The following COL27A1 variants were observed in gnomAD, a reference collection of about 807,000 sequenced individuals.
COL27A1 encodes collagen alpha-1(XXVII) chain.
Under a neutral mutation model 251.3 loss-of-function variants are expected in COL27A1, and 106 were observed. The observed-to-expected ratio is 0.42, with a 90% CI of 0.36 to 0.50. The LOEUF (loss-of-function observed/expected upper bound fraction) is 0.50, where lower values mean the gene tolerates loss of function less well. Ranked by LOEUF, COL27A1 falls within the 20% of genes least tolerant of loss-of-function variation. The pLI is 0.00. For missense variants in COL27A1, 2,325 were observed against 2,522.8 expected (o/e 0.92, Z 1.68); for synonymous variants, 1,000 against 986.3 (o/e 1.01, Z -0.26).
At position 114,290,148 on chromosome 9, in the gene COL27A1, C is replaced by T. The variant is rs775031209; in HGVS notation, c.4260+37C>T. The T allele has an allele frequency of 1.4e-5, 23 of 1,607,006 alleles. No individual in the cohort carries two copies. In the East Asian group the frequency reaches 4.7e-4, roughly 33 times the overall value. On this transcript the variant is annotated intron_variant, in intron 46 of 60. Coordinates refer to ENST00000356083, the MANE Select transcript of COL27A1 (RefSeq NM_032888.4). This position sits in a 1 kb window ranked among gnomAD's most constrained non-coding sequence, Gnocchi z 4.6. ...CAGCTGCTGTTTCCAGCCAACCTCC[C>T]TGCCCGCCCCCCACACCCGCCCTCC...
At chr9:114,256,163 C>T (rs1400249030) in intron 27 of COL27A1, among the ~76,000 whole-genome samples, 2 of 152,206 alleles carry the variant, frequency 1.3e-5, no homozygotes, top group Non-Finnish European at 2.9e-5. Flanking sequence ...CTTTCACCTC[C>T]ATGTTGTCCG....
chr9:114,307,320 C>A, intron 58 of COL27A1: 1 of 221,084 alleles, frequency 4.5e-6, no homozygotes, highest in South Asian at 7.1e-5. Flanking sequence ...TAGGAGGAGC[C>A]CTAGGCCTCG....
At position 114,266,441 on chromosome 9, in the gene COL27A1, C is replaced by T. The variant is rs1023687825; in HGVS notation, c.3394-124C>T. 179 of 685,742 alleles carry T rather than the reference C, an allele frequency of 2.6e-4. 1 individual carries two copies. Among genetic ancestry groups the T allele is most frequent in the South Asian group, 1.8e-3 (99 of 54,530 alleles). 42.5% of individuals were successfully genotyped at this position (685,742 alleles called of 1,614,324 possible). The stretch of plus-strand genomic sequence containing the variant: ...ACCAGGACCCTCGGTGTGGCTGGGG[C>T]GGACTAGGGGTGTGCTTCAGAGTCC... On this transcript the variant is annotated intron_variant, in intron 32 of 60. Coordinates refer to ENST00000356083, the MANE Select transcript of COL27A1 (RefSeq NM_032888.4).
chr9:114,247,165 A>G (rs1466820962), intron 24 of COL27A1, among the ~76,000 whole-genome samples: 1 of 152,226 alleles, frequency 6.6e-6, no homozygotes, highest in Non-Finnish European at 1.5e-5. Context: ...ATATATTCAT[A>G]TATATGCTTC....
At chr9:114,270,052 G>A (rs1408836028) in intron 35 of COL27A1, among the ~76,000 whole-genome samples, 1 of 152,224 alleles carries the variant, frequency 6.6e-6, no homozygotes, top group Non-Finnish European at 1.5e-5. Flanking sequence ...TCATTCCCGA[G>A]CTTGCTGGGA....
intron 7 of COL27A1, among the ~76,000 whole-genome samples, chr9:114,198,027 C>G: frequency 6.6e-6 from 1 of 152,242 alleles, no homozygotes; most frequent in East Asian, 1.9e-4. Context: ...ATAGCAGCCA[C>G]TTGGCTCTGA....
chr9:114,156,712 G>C (rs1195304535), intron 1 of COL27A1, among the ~76,000 whole-genome samples: 1 of 152,190 alleles, frequency 6.6e-6, no homozygotes, highest in Non-Finnish European at 1.5e-5. Context: ...GGGAGACAGG[G>C]CCGGAGAGGG....
chr9:114,269,361 C>A, intron 35 of COL27A1, 67 bp downstream of exon 35: 1 of 1,160,552 alleles, frequency 8.6e-7, no homozygotes, highest in Non-Finnish European at 1.3e-6. Context: ...GGGAAGAGAC[C>A]GGCTTTTCTC....
chr9:114,161,814 T>C (rs996659869), intron 1 of COL27A1, among the ~76,000 whole-genome samples: 2 of 152,240 alleles, frequency 1.3e-5, no homozygotes, highest in African/African-American at 4.8e-5. Flanking sequence ...TTTGCCCATC[T>C]TGGCAAAAGC....
chr9:114,229,247 G>C (rs1302771408), intron 14 of COL27A1, among the ~76,000 whole-genome samples: 1 of 152,240 alleles, frequency 6.6e-6, no homozygotes, highest in Non-Finnish European at 1.5e-5. Context: ...GTCAGGATGG[G>C]CCAAGGCCAG....
intron 7 of COL27A1, among the ~76,000 whole-genome samples, chr9:114,196,374 G>A (rs953246345): frequency 1.4e-4 from 21 of 152,204 alleles, no homozygotes; most frequent in African/African-American, 5.1e-4. Flanking sequence ...TGTCTGAGAG[G>A]CCGTGGGCCT....
chr9:114,160,362 A>C (rs1449069986), intron 1 of COL27A1, among the ~76,000 whole-genome samples: 3 of 151,998 alleles, frequency 2.0e-5, no homozygotes, highest in African/African-American at 7.2e-5. Flanking sequence ...TCGCTGTGTT[A>C]GCCAGGATGG....
At chr9:114,305,838 G>A (rs1333517855) in intron 57 of COL27A1, among the ~76,000 whole-genome samples, 1 of 152,208 alleles carries the variant, frequency 6.6e-6, no homozygotes, top group Non-Finnish European at 1.5e-5. Context: ...GCTGGTCTCT[G>A]ACACACGTTC....
intron 7 of COL27A1, 78 bp from the exon 8 acceptor site, chr9:114,205,024 C>A: frequency 7.1e-7 from 1 of 1,416,710 alleles, no homozygotes; most frequent in Admixed American, 1.7e-5. Context: ...ACAGGGCAGG[C>A]CGGGAGGCTG....
At chr9:114,283,575 C>A in intron 39 of COL27A1, 134 bp from the exon 40 acceptor site, 1 of 745,592 alleles carries the variant, frequency 1.3e-6, no homozygotes. Context: ...CCGCCTTGTT[C>A]ACACACTTTG....
chr9:114,214,420 T>C (rs1004995407), intron 12 of COL27A1, among the ~76,000 whole-genome samples: 1 of 152,202 alleles, frequency 6.6e-6, no homozygotes, highest in Non-Finnish European at 1.5e-5. Flanking sequence ...GGCAAAACCT[T>C]GGGCCCGTGC....
intron 36 of COL27A1, chr9:114,273,804 G>C (rs1433050362): frequency 2.0e-5 from 3 of 152,272 alleles, no homozygotes; most frequent in Non-Finnish European, 4.4e-5. Flanking sequence ...ACGGTGATGA[G>C]GGTGACAGCC....
intron 3 of COL27A1, among the ~76,000 whole-genome samples, chr9:114,171,026 C>T (rs1268146553): frequency 1.3e-5 from 2 of 152,168 alleles, no homozygotes; most frequent in Non-Finnish European, 2.9e-5. Context: ...GAGAGAGGAG[C>T]GGAGCTGGCC....
intron 9 of COL27A1, 83 bp downstream of exon 9, chr9:114,205,895 G>A: frequency 7.7e-7 from 1 of 1,304,100 alleles, no homozygotes; most frequent in South Asian, 1.4e-5. Flanking sequence ...GGGAGGTGGT[G>A]GGCTGGGGGC....
Sources: allele counts gnomAD v4.1 joint callset (sites outside exome capture counted in the v4.1 genomes callset), GRCh38; gene constraint gnomAD v4.1.1; non-coding constraint Gnocchi (gnomAD v3.1); transcripts MANE v1.5; gene names NCBI Gene and HGNC (gene_info 2026-07-23, HGNC 2026-07-21).